Variants in MGAM2 observed in about 807,000 individuals in gnomAD.
MGAM2 encodes maltase-glucoamylase 2 (putative).
Under a neutral mutation model 96.1 loss-of-function variants are expected in MGAM2, and 98 were observed. That is an observed-to-expected ratio of 1.02 (90% CI 0.87 to 1.21). MGAM2 has a LOEUF of 1.21. Among genes scored for constraint, MGAM2 ranks in the 50% most tolerant of loss-of-function variants. The pLI, the probability that MGAM2 is intolerant of heterozygous loss-of-function variation, is 0.00. For synonymous variants in MGAM2, 749 were observed against 414.8 expected, an observed-to-expected ratio of 1.81 and a Z score of -9.79; for missense variants, 2,055 against 1,182.4, an observed-to-expected ratio of 1.74 and a Z score of -10.82.
chr7:142,187,484 G>T (rs2129096500), intron 35 of MGAM2, among the ~76,000 whole-genome samples: 1 of 152,294 alleles, frequency 6.6e-6, no homozygotes, highest in South Asian at 2.1e-4. Flanking sequence ...AACAATCCTT[G>T]TAAGTTTTAA....
At chr7:142,146,902 A>T (rs935954876) in intron 14 of MGAM2, among the ~76,000 whole-genome samples, 1 of 151,894 alleles carries the variant, frequency 6.6e-6, no homozygotes, top group African/African-American at 2.4e-5. Context: ...TAATTTTTGT[A>T]ATTTTAGTAA....
chr7:142,181,972 G>T (rs1039787165), intron 32 of MGAM2, among the ~76,000 whole-genome samples: 3 of 152,150 alleles, frequency 2.0e-5, no homozygotes, highest in African/African-American at 7.2e-5. Context: ...TTGTTGGTCT[G>T]TTGGATGTTC....
At chr7:142,156,073 A>C (rs1442914469) in intron 17 of MGAM2, among the ~76,000 whole-genome samples, 1 of 152,048 alleles carries the variant, frequency 6.6e-6, no homozygotes, top group Non-Finnish European at 1.5e-5. Context: ...TGAACCGGGG[A>C]GGCAGAGGTT....
In MGAM2 at chr7:142,172,123, A is replaced by AC. The variant is rs1796214221; in HGVS notation, c.3380dup (p.Tyr1128LeufsTer10). The AC allele has an allele frequency of 1.4e-6, 1 of 734,560 alleles. No individual in the cohort carries two copies. The allele number at this position is 734,560 out of a possible 1,614,324, so 45.5% of individuals were successfully genotyped here. ...TACAAGAAGAATTCCTATGGTGTCC[A>AC]CCCTTACTACATGGCACTGGAGGAG... On this transcript the variant is annotated frameshift_variant, in exon 29 of 48. Transcript: ENST00000477922. LOFTEE classifies it high-confidence loss of function.
intron 19 of MGAM2, 89 bp downstream of exon 19, chr7:142,158,421 C>T: frequency 1.6e-6 from 1 of 632,694 alleles, no homozygotes; most frequent in Non-Finnish European, 2.8e-6. Flanking sequence ...TCTATGACTG[C>T]ATTTATATCA....
Position 142,138,597 on chromosome 7 carries a change from G to A in MGAM2, c.1016G>A (p.Arg339His), listed in dbSNP as rs971979291. 3 of 703,104 alleles carry A rather than the reference G, an allele frequency of 4.3e-6. No homozygotes were observed. Among genetic ancestry groups the A allele is most frequent in the East Asian group, 2.7e-5 (1 of 37,270 alleles). The allele number at this position is 703,104 out of a possible 1,614,324, so 43.6% of individuals were successfully genotyped here. A position where few individuals can be genotyped will look rare whatever the true frequency, so the allele number is the denominator to read the frequency against. The change falls in exon 10 of 48, where the codon CGC becomes CAC. Residue 339 changes from arginine to histidine, a missense_variant. Physicochemically the swap from Arg to His is conservative, Grantham distance 29. Coordinates refer to ENST00000477922, the MANE Select transcript of MGAM2 (RefSeq NM_001293626.2). ...PYWSLGFQLSRRDYGGINKLK... is the reference protein window; with the variant it reads ...PYWSLGFQLSHRDYGGINKLK... ...TGGAGTCTTGGGTTCCAGCTTAGTC[G>A]CAGGGACTATGGTGGCATCAATAAA...
At chr7:142,186,520 G>A (rs1339445756) in intron 35 of MGAM2, among the ~76,000 whole-genome samples, 2 of 152,242 alleles carry the variant, frequency 1.3e-5, no homozygotes, top group Admixed American at 1.3e-4. Flanking sequence ...GTAGACGTTT[G>A]CCATAGTACT....
chr7:142,198,586 C>G (rs1474382747), intron 43 of MGAM2, 29 bp from the exon 44 acceptor site: 10 of 700,044 alleles, frequency 1.4e-5, no homozygotes, highest in Non-Finnish European at 2.3e-5. Flanking sequence ...TTATCTCTCG[C>G]CATTTTTTGC....
intron 1 of MGAM2, among the ~76,000 whole-genome samples, chr7:142,112,933 C>T (rs572170808): frequency 6.6e-6 from 1 of 152,262 alleles, no homozygotes; most frequent in East Asian, 1.9e-4. Context: ...TCCCAAACCT[C>T]GTGTCTCCAA....
intron 15 of MGAM2, among the ~76,000 whole-genome samples, chr7:142,152,759 G>A (rs991650733): frequency 6.6e-6 from 1 of 152,060 alleles, no homozygotes; most frequent in African/African-American, 2.4e-5. Context: ...TCCTTTAATT[G>A]TATTATTGTT....
chr7:142,134,191 G>C, intron 7 of MGAM2, 39 bp downstream of exon 7: 1 of 698,288 alleles, frequency 1.4e-6, no homozygotes, highest in Non-Finnish European at 2.6e-6. Flanking sequence ...CCACAGTAAG[G>C]GATACCCTCC....
chr7:142,143,795 C>A lies in MGAM2; in HGVS notation c.1344C>A (p.Pro448=). The A allele has an allele frequency of 1.5e-6, 1 of 683,390 alleles. No homozygotes were observed. The highest frequency in any genetic ancestry group is 1.6e-5 in the South Asian group (1 of 63,952). 42.3% of individuals were successfully genotyped at this position (683,390 alleles called of 1,614,324 possible). ...GATATCCGGGACCGACAGTCTTTCCCGATTATACCAATCCAGTATGCACTG... is the reference window on the plus strand; with the variant it reads ...GATATCCGGGACCGACAGTCTTTCCAGATTATACCAATCCAGTATGCACTG... The part of the protein sequence containing the change: ...GEGYPGPTVF[P]DYTNPVCTEW... Residue 448 remains proline (P), a synonymous_variant, in exon 13 of 48, where the codon CCC becomes CCA. Coordinates refer to ENST00000477922, the MANE Select transcript of MGAM2 (RefSeq NM_001293626.2).
chr7:142,188,530 C>T lies in MGAM2; in HGVS notation c.4207+696C>T, dbSNP rs80273418. Among the ~76,000 whole-genome samples the T allele has an allele frequency of 5.0e-3, 766 of 152,282 alleles. 8 individuals carry two copies. The highest frequency in any genetic ancestry group is 6.1e-3 in the Non-Finnish European group (414 of 68,022). On this transcript the variant is annotated intron_variant, in intron 36 of 47. Coordinates refer to ENST00000477922, the MANE Select transcript of MGAM2 (RefSeq NM_001293626.2). ...AATCTATGGGACAGAATCTAGAATTCAAGTTTCTTGATGTCTACATCACTG... is the reference window on the plus strand; with the variant it reads ...AATCTATGGGACAGAATCTAGAATTTAAGTTTCTTGATGTCTACATCACTG...
At chr7:142,138,436 T>C in intron 9 of MGAM2, 106 bp from the exon 10 acceptor site, 1 of 600,546 alleles carries the variant, frequency 1.7e-6, no homozygotes, top group Non-Finnish European at 3.0e-6. Context: ...CAAATTATTC[T>C]AGCAGATTAC....
At chr7:142,161,897 C>A in intron 22 of MGAM2, 58 bp from the exon 23 acceptor site, 1 of 637,130 alleles carries the variant, frequency 1.6e-6, no homozygotes, top group Non-Finnish European at 2.8e-6. Flanking sequence ...AAGAGAAGAG[C>A]AGGACTCCCT....
intron 32 of MGAM2, among the ~76,000 whole-genome samples, chr7:142,179,190 T>C (rs1157081445): frequency 6.6e-6 from 1 of 152,204 alleles, no homozygotes; most frequent in Non-Finnish European, 1.5e-5. Context: ...TGCTACTAAT[T>C]TTTGTACATT....
At chr7:142,150,909 G>A (rs535630630) in intron 15 of MGAM2, among the ~76,000 whole-genome samples, 9 of 152,004 alleles carry the variant, frequency 5.9e-5, no homozygotes, top group South Asian at 2.1e-4. Context: ...GCTATTTGCC[G>A]TGCACAAGAT....
At chr7:142,163,363 C>T (rs1375838602) in intron 23 of MGAM2, among the ~76,000 whole-genome samples, 1 of 152,212 alleles carries the variant, frequency 6.6e-6, no homozygotes, top group Non-Finnish European at 1.5e-5. Flanking sequence ...CCCACTGCAA[C>T]CTCCGCCTCC....
chr7:142,175,008 C>T (rs963075542), intron 31 of MGAM2, among the ~76,000 whole-genome samples: 5 of 152,136 alleles, frequency 3.3e-5, no homozygotes, highest in African/African-American at 1.2e-4. Flanking sequence ...CGTGAGCCAC[C>T]GTGCCTAGCC....
Sources: allele counts gnomAD v4.1 joint callset (sites outside exome capture counted in the v4.1 genomes callset), GRCh38; gene constraint gnomAD v4.1.1; transcripts MANE v1.5; gene names NCBI Gene and HGNC (gene_info 2026-07-23, HGNC 2026-07-21).